The following ARID1A variants were observed in gnomAD, a reference collection of about 807,000 sequenced individuals.
ARID1A encodes the protein AT-rich interaction domain 1A.
A neutral mutation model predicts 212.6 loss-of-function variants in ARID1A; 20 were observed. That is an observed-to-expected ratio of 0.09 (90% CI 0.07 to 0.14). The LOEUF is 0.14. Ranked by LOEUF, ARID1A falls within the 10% of genes least tolerant of loss-of-function variation. The pLI, the probability that ARID1A is intolerant of heterozygous loss-of-function variation, is 1.00. For missense variants in ARID1A, 2,587 were observed against 3,059.0 expected (o/e 0.85, Z 3.64); for synonymous variants, 1,376 against 1,222.1 (o/e 1.13, Z -2.63).
chr1:26,708,683 G>T (rs2080419250), intron 1 of ARID1A, among the ~76,000 whole-genome samples: 1 of 150,746 alleles, frequency 6.6e-6, no homozygotes, highest in Non-Finnish European at 1.5e-5. Flanking sequence ...TGCTGAAGAG[G>T]CAGGGATTAT....
At chr1:26,745,973 C>T (rs556001952) in intron 4 of ARID1A, among the ~76,000 whole-genome samples, 4 of 152,146 alleles carry the variant, frequency 2.6e-5, no homozygotes, top group African/African-American at 7.2e-5. Flanking sequence ...ATCGCTTGAA[C>T]CTGGGAGGCG....
In ARID1A at chr1:26,774,616, T is replaced by G; in HGVS notation, c.4389T>G (p.Arg1463=). The G allele has an allele frequency of 1.2e-6, 2 of 1,614,182 alleles. No individual in the cohort carries two copies. The highest frequency in any genetic ancestry group is 1.7e-6 in the Non-Finnish European group (2 of 1,180,026). ...NQFPFQFGRD[R]VSAPPGTNAQ... is the part of the protein sequence containing the mutation. The stretch of plus-strand genomic sequence containing the variant: ...TTCCATTCCAGTTTGGCCGAGACCG[T>G]GTCTCTGCACCCCCTGGCACCAATG... The change falls in exon 18 of 20, where the codon CGT becomes CGG. Residue 1463 remains arginine (R), a synonymous_variant. Transcript: ENST00000324856. This position sits in a 1 kb window ranked among gnomAD's most constrained non-coding sequence, Gnocchi z 5.6.
At position 26,771,624 on chromosome 1, in the gene ARID1A, G is replaced by C; in HGVS notation, c.3406+298G>C. ...AGAGGAGTCGGTGGAACTTATAAAT[G>C]GCAGCAAGGCAGGGCCATCTGGGAG... On this transcript the variant is annotated intron_variant, in intron 12 of 19. Transcript: ENST00000324856. This position sits in a 1 kb window ranked among gnomAD's most constrained non-coding sequence, Gnocchi z 5.4. 1 of 426,462 alleles carries C rather than the reference G, an allele frequency of 2.3e-6. No homozygotes were observed. The allele number at this position is 426,462 out of a possible 1,614,324, so 26.4% of individuals were successfully genotyped here.
Position 26,779,354 on chromosome 1 carries a change from A to G in ARID1A, c.5456A>G (p.Lys1819Arg), listed in dbSNP as rs2124139485. The change falls in exon 20 of 20, where the codon AAG becomes AGG. Residue 1819 changes from lysine to arginine, a missense_variant. Transcript: ENST00000324856. ...FDKLPVKIVQKNDPFVVDCSD... is the reference protein window; with the variant it reads ...FDKLPVKIVQRNDPFVVDCSD... ...AAGCTTCCAGTAAAGATCGTACAGA[A>G]GAATGATCCATTTGTGGTGGACTGC... The G allele has an allele frequency of 6.2e-7, 1 of 1,614,248 alleles. No individual in the cohort carries two copies. The highest frequency in any genetic ancestry group is 8.5e-7 in the Non-Finnish European group (1 of 1,180,052).
rs2081167422 is a variant in ARID1A, at chr1:26,779,276, A to C, written c.5378A>C (p.Lys1793Thr). The C allele has an allele frequency of 2.5e-6, 4 of 1,614,162 alleles. No individual in the cohort carries two copies. The highest frequency in any genetic ancestry group is 3.4e-6 in the Non-Finnish European group (4 of 1,180,062). The change falls in exon 20 of 20, where the codon AAG becomes ACG. Residue 1793 changes from lysine (K) to threonine (T), a missense_variant. Coordinates refer to ENST00000324856, the MANE Select transcript of ARID1A (RefSeq NM_006015.6). ...ENDEEIAFSG[K>T]DKPASENSEE... is the part of the protein sequence containing the mutation. The stretch of plus-strand genomic sequence containing the variant: ...GATGAGGAGATAGCCTTTTCAGGCA[A>C]GGACAAGCCAGCTTCAGAGAATAGT...
intron 4 of ARID1A, among the ~76,000 whole-genome samples, chr1:26,740,404 A>G (rs1340938133): frequency 1.3e-5 from 2 of 152,226 alleles, no homozygotes; most frequent in Non-Finnish European, 2.9e-5. Context: ...TTATGTCTCA[A>G]TAGTTGAAGG....
At chr1:26,716,815 AG>A (rs1456462315) in intron 1 of ARID1A, among the ~76,000 whole-genome samples, 1 of 152,040 alleles carries the variant, frequency 6.6e-6, no homozygotes, top group Non-Finnish European at 1.5e-5. Flanking sequence ...TAGTAGAGAC[AG>A]GGTTTTCCCA....
At chr1:26,745,643 T>C (rs759982109) in intron 4 of ARID1A, among the ~76,000 whole-genome samples, 6 of 152,210 alleles carry the variant, frequency 3.9e-5, no homozygotes, top group Non-Finnish European at 7.3e-5. Flanking sequence ...GCAAGAGACT[T>C]GTCCAGGGTC....
intron 4 of ARID1A, among the ~76,000 whole-genome samples, chr1:26,738,440 T>C (rs2124799412): frequency 6.6e-6 from 1 of 152,336 alleles, no homozygotes; most frequent in South Asian, 2.1e-4. Flanking sequence ...ATTGCCATAG[T>C]GCCTGGCATC....
chr1:26,717,461 T>C (rs1320429653), intron 1 of ARID1A, among the ~76,000 whole-genome samples: 1 of 152,248 alleles, frequency 6.6e-6, no homozygotes, highest in African/African-American at 2.4e-5. Flanking sequence ...AACTATACTT[T>C]TTTTTCTTTC....
chr1:26,710,484 A>AT (rs2080440847), intron 1 of ARID1A, among the ~76,000 whole-genome samples: 3 of 33,036 alleles, frequency 9.1e-5, no homozygotes, highest in Admixed American at 3.3e-4. Flanking sequence ...TCAAAAAATA[A>AT]AATAATACAT....
intron 4 of ARID1A, among the ~76,000 whole-genome samples, chr1:26,756,048 T>C (rs1042288391): frequency 2.0e-5 from 3 of 151,898 alleles, no homozygotes; most frequent in African/African-American, 7.3e-5. Flanking sequence ...TGGCCAAGTT[T>C]TGGTTTTTTG....
Position 26,774,902 on chromosome 1 carries a change from G to A in ARID1A, c.4675G>A (p.Ala1559Thr), listed in dbSNP as rs745476438. The A allele has an allele frequency of 1.3e-6, 2 of 1,547,724 alleles. No homozygotes were observed. Among genetic ancestry groups the A allele is most frequent in the Non-Finnish European group, 1.7e-6 (2 of 1,150,002 alleles). ...ACGCCAGCCCCCATATGGTCCCTCT[G>A]CCCCTGTGCCCCCCATGACAAGGCC... The part of the protein sequence containing the change: ...GTRQPPYGPS[A>T]PVPPMTRPPP... The change falls in exon 18 of 20, where the codon GCC becomes ACC. Residue 1559 changes from alanine to threonine, a missense_variant. Ala to Thr is a moderately conservative substitution (Grantham distance 58). Transcript: ENST00000324856. The surrounding 1 kb of genome is among the most constrained non-coding windows in gnomAD (Gnocchi z 5.6).
intron 4 of ARID1A, among the ~76,000 whole-genome samples, chr1:26,747,949 C>G (rs1158891695): frequency 6.6e-6 from 1 of 152,138 alleles, no homozygotes; most frequent in Non-Finnish European, 1.5e-5. Context: ...TTATAGCTCC[C>G]TTGTGTTCAG....
intron 11 of ARID1A, among the ~76,000 whole-genome samples, chr1:26,768,852 G>C (rs1188132352): frequency 1.3e-5 from 2 of 152,178 alleles, no homozygotes. Context: ...CCTGCTGTTG[G>C]ATCAGTTTGT....
chr1:26,745,223 C>T (rs920233353), intron 4 of ARID1A, among the ~76,000 whole-genome samples: 3 of 152,146 alleles, frequency 2.0e-5, no homozygotes, highest in African/African-American at 7.2e-5. Flanking sequence ...TATCTCGGAG[C>T]TACTATTAGA....
chr1:26,762,790 T>C (rs1173169759), intron 7 of ARID1A, among the ~76,000 whole-genome samples, 183 bp from the exon 8 acceptor site: 1 of 152,230 alleles, frequency 6.6e-6, no homozygotes, highest in Non-Finnish European at 1.5e-5. Flanking sequence ...CCAGCCTTGC[T>C]CTGACCTGCC....
At position 26,771,030 on chromosome 1, in the gene ARID1A, A is replaced by G. The variant is rs2081079111; in HGVS notation, c.3199-89A>G. On this transcript the variant is annotated intron_variant, in intron 11 of 19. Coordinates refer to ENST00000324856, the MANE Select transcript of ARID1A (RefSeq NM_006015.6). The surrounding 1 kb of genome is among the most constrained non-coding windows in gnomAD (Gnocchi z 5.4). ...TAAGAACTGTGGTTCTACAAAGATG[A>G]ATACCTTACAGCCTGATGGGGCTTG... 1.1e-5 allele frequency: 13 copies of G among 1,189,594 alleles called. No homozygotes were observed. In the South Asian group the frequency reaches 1.7e-4, roughly 15 times the overall value. 73.7% of individuals were successfully genotyped at this position (1,189,594 alleles called of 1,614,324 possible). A position where few individuals can be genotyped will look rare whatever the true frequency, so the allele number is the denominator to read the frequency against.
rs1553153822 is a variant in ARID1A at position 26,780,781 on chromosome 1, C to CCG, written c.*25_*26insCG. The CCG allele has an allele frequency of 7.8e-6, 12 of 1,539,846 alleles. No individual in the cohort carries two copies. The highest frequency in any genetic ancestry group is 1.0e-5 in the Non-Finnish European group (12 of 1,144,506). On this transcript the variant is annotated 3_prime_UTR_variant, in exon 20 of 20. Coordinates refer to ENST00000324856, the MANE Select transcript of ARID1A (RefSeq NM_006015.6). This position sits in a 1 kb window ranked among gnomAD's most constrained non-coding sequence, Gnocchi z 7.2. ...ACAGCCGTGGGACACCTCCCCCCCC[C>CCG]GTGTGTGTGTGCGTGTGTGGAGAAC...
Sources: gnomAD v4.1 joint callset for allele counts (sites outside exome capture counted in the v4.1 genomes callset) on GRCh38, gnomAD v4.1.1 for gene constraint, Gnocchi (gnomAD v3.1) non-coding constraint, MANE v1.5 for transcripts, NCBI Gene and HGNC (gene_info 2026-07-23, HGNC 2026-07-21) for gene names.